The following THSD7B variants were observed in gnomAD, a reference collection of about 807,000 sequenced individuals.
The protein encoded by THSD7B is thrombospondin type-1 domain-containing protein 7B.
A neutral mutation model predicts 213.6 loss-of-function variants in THSD7B; 138 were observed. That is an observed-to-expected ratio of 0.65 (90% CI 0.56 to 0.74). THSD7B has a LOEUF of 0.74. THSD7B is among the 30% of genes least tolerant of loss of function. The probability of loss-of-function intolerance (pLI) is 0.00; values close to 1 mark genes in which losing one functional copy is unlikely to be tolerated. For missense variants in THSD7B, 1,931 were observed against 1,991.5 expected (o/e 0.97, Z 0.58); for synonymous variants, 742 against 687.0 (o/e 1.08, Z -1.25).
chr2:137,010,475 T>C (rs1686210292), intron 2 of THSD7B, among the ~76,000 whole-genome samples: 1 of 152,192 alleles, frequency 6.6e-6, no homozygotes, highest in South Asian at 2.1e-4. Context: ...TCTGCTATGT[T>C]CTACCATTTT....
At chr2:137,551,479 T>G (rs1018828614) in intron 15 of THSD7B, among the ~76,000 whole-genome samples, 6 of 152,110 alleles carry the variant, frequency 3.9e-5, no homozygotes, top group Non-Finnish European at 5.9e-5. Context: ...GTTTAGGATG[T>G]GAAATGTTCA....
At chr2:136,982,387 A>G (rs1014164902) in intron 2 of THSD7B, among the ~76,000 whole-genome samples, 8 of 152,000 alleles carry the variant, frequency 5.3e-5, no homozygotes, top group Non-Finnish European at 1.2e-4. Context: ...CTGGTCTCGA[A>G]CCCTGGGCAC....
intron 12 of THSD7B, among the ~76,000 whole-genome samples, chr2:137,317,357 A>G (rs1187379172): frequency 2.6e-5 from 4 of 152,220 alleles, no homozygotes; most frequent in African/African-American, 9.6e-5. Context: ...CCTCTTTATA[A>G]TGATATGGCG....
rs542736992 is a variant in THSD7B, at chr2:137,353,859, G to C, written c.2501-51754G>C. ...TCCACATGTGATTGAAAATGAGGTA[G>C]AGTAGGCTTTGGAAGAATTGGGAAG... On this transcript the variant is annotated intron_variant, in intron 12 of 27. Transcript: ENST00000409968. 3.9e-4 allele frequency among the ~76,000 whole-genome samples: 59 copies of C among 152,186 alleles called. 1 individual carries two copies. The highest frequency in any genetic ancestry group is 1.1e-3 in the African/African-American group (47 of 41,538).
chr2:137,521,407 T>C (rs187394232), intron 15 of THSD7B, among the ~76,000 whole-genome samples: 40 of 152,122 alleles, frequency 2.6e-4, no homozygotes, highest in African/African-American at 9.2e-4. Flanking sequence ...GGTAGAGAGA[T>C]CTGTAAATAA....
At chr2:137,112,775 G>GTGTGTT (rs1287567009) in intron 4 of THSD7B, among the ~76,000 whole-genome samples, 1 of 151,230 alleles carries the variant, frequency 6.6e-6, no homozygotes, top group Non-Finnish European at 1.5e-5. Context: ...TAATGTACGT[G>GTGTGTT]TGTGTGTGTG....
Position 136,875,738 on chromosome 2 carries a change from G to A in THSD7B, c.-35-6406G>A, listed in dbSNP as rs1683517833. 1.3e-5 allele frequency among the ~76,000 whole-genome samples: 2 copies of A among 152,264 alleles called. 1 individual carries two copies. The highest frequency in any genetic ancestry group is 4.1e-4 in the South Asian group (2 of 4,822). On this transcript the variant is annotated intron_variant, in intron 1 of 27. Transcript: ENST00000409968. ...CTTAAAGGAGTTAGGTCACTTTGCA[G>A]AGTTAATACAGTGTTCTAGACTGCT...
intron 12 of THSD7B, among the ~76,000 whole-genome samples, chr2:137,282,619 A>C (rs1334960182): frequency 6.6e-6 from 1 of 152,208 alleles, no homozygotes; most frequent in Non-Finnish European, 1.5e-5. Flanking sequence ...AGCTTTCTAC[A>C]TATGGCTAGC....
At chr2:137,328,535 T>C (rs1488692714) in intron 12 of THSD7B, among the ~76,000 whole-genome samples, 1 of 152,232 alleles carries the variant, frequency 6.6e-6, no homozygotes, top group East Asian at 1.9e-4. Flanking sequence ...TGTATAATAG[T>C]AGCAGTTACG....
At chr2:137,247,813 G>A (rs1250679349) in intron 10 of THSD7B, among the ~76,000 whole-genome samples, 1 of 152,064 alleles carries the variant, frequency 6.6e-6, no homozygotes, top group Non-Finnish European at 1.5e-5. Context: ...CATGTAGCAT[G>A]GATTCTTGAG....
chr2:136,936,311 C>T (rs757238439), intron 2 of THSD7B, among the ~76,000 whole-genome samples: 8 of 152,070 alleles, frequency 5.3e-5, no homozygotes, highest in Non-Finnish European at 8.8e-5. Flanking sequence ...CCAGCAATCC[C>T]GCTACTGGGT....
chr2:136,983,056 C>T (rs757489628), intron 2 of THSD7B, among the ~76,000 whole-genome samples: 3 of 150,368 alleles, frequency 2.0e-5, no homozygotes, highest in Admixed American at 6.7e-5. Context: ...TGGGGCCCAT[C>T]TACCCTGGAT....
chr2:137,610,778 A>G (rs1306427817), intron 17 of THSD7B, among the ~76,000 whole-genome samples: 1 of 151,922 alleles, frequency 6.6e-6, no homozygotes, highest in African/African-American at 2.4e-5. Context: ...TTTGCTTTAG[A>G]TGTCATATAA....
At chr2:137,012,239 T>C (rs1274832644) in intron 2 of THSD7B, among the ~76,000 whole-genome samples, 2 of 152,234 alleles carry the variant, frequency 1.3e-5, no homozygotes, top group African/African-American at 4.8e-5. Context: ...TTTTTAGAAC[T>C]AATTTTTCCA....
intron 12 of THSD7B, among the ~76,000 whole-genome samples, chr2:137,326,071 G>A (rs1275298471): frequency 6.6e-6 from 1 of 152,074 alleles, no homozygotes; most frequent in Non-Finnish European, 1.5e-5. Flanking sequence ...CGTTAACAGG[G>A]GATTATCAGG....
intron 14 of THSD7B, among the ~76,000 whole-genome samples, chr2:137,413,364 T>G (rs934252328): frequency 3.3e-5 from 5 of 152,162 alleles, no homozygotes. Context: ...ATGACTTGAG[T>G]GTACAGTTAA....
chr2:137,359,363 C>G (rs1685202987), intron 12 of THSD7B, among the ~76,000 whole-genome samples: 1 of 152,108 alleles, frequency 6.6e-6, no homozygotes, highest in African/African-American at 2.4e-5. Flanking sequence ...ACAGAAAGAC[C>G]AGCTTTATCT....
intron 5 of THSD7B, among the ~76,000 whole-genome samples, chr2:137,131,670 G>T (rs1166001706): frequency 6.6e-6 from 1 of 152,164 alleles, no homozygotes; most frequent in Non-Finnish European, 1.5e-5. Context: ...TGTCAGATTT[G>T]TCAAATATCA....
At chr2:136,844,767 T>A (rs1682980983) in intron 1 of THSD7B, among the ~76,000 whole-genome samples, 1 of 152,178 alleles carries the variant, frequency 6.6e-6, no homozygotes, top group African/African-American at 2.4e-5. Flanking sequence ...AGAGCTTGCT[T>A]GCCTGAGGTC....
Sources: gnomAD v4.1 joint callset for allele counts (sites outside exome capture counted in the v4.1 genomes callset) on GRCh38, gnomAD v4.1.1 for gene constraint, MANE v1.5 for transcripts, NCBI Gene and HGNC (gene_info 2026-07-23, HGNC 2026-07-21) for gene names.